Variants in RBM25 observed in about 807,000 individuals in gnomAD.
RBM25 encodes the protein RNA-binding protein 25.
A neutral mutation model predicts 120.7 loss-of-function variants in RBM25; 19 were observed. The observed-to-expected ratio is 0.16, with a 90% CI of 0.11 to 0.23. The LOEUF is 0.23. Among genes scored for constraint, RBM25 ranks in the 10% least tolerant of loss-of-function variants. The pLI, the probability that RBM25 is intolerant of heterozygous loss-of-function variation, is 1.00. For missense variants in RBM25, 605 were observed against 1,041.5 expected, an observed-to-expected ratio of 0.58 and a Z score of 5.77; for synonymous variants, 390 against 326.7, an observed-to-expected ratio of 1.19 and a Z score of -2.09.
rs531232862 is a variant in RBM25, at chr14:73,086,798, G to A, written c.383-1203G>A. On this transcript the variant is annotated intron_variant, in intron 5 of 18. Transcript: ENST00000261973. ...CAGCTTACTGCAACTTCTGCCTCCCGGGTTCAAGCAATTCTCCTTCCTTAG... is the reference window on the plus strand; with the variant it reads ...CAGCTTACTGCAACTTCTGCCTCCCAGGTTCAAGCAATTCTCCTTCCTTAG... Among the ~76,000 whole-genome samples the A allele has an allele frequency of 1.6e-4, 25 of 152,174 alleles. No individual in the cohort carries two copies. In the South Asian group the frequency reaches 5.0e-3, roughly 30 times the overall value.
chr14:73,097,257 G>A (rs1333048321), intron 7 of RBM25, among the ~76,000 whole-genome samples, 157 bp downstream of exon 7: 1 of 126,810 alleles, frequency 7.9e-6, no homozygotes, highest in Admixed American at 1.1e-4. Context: ...CTGGAATGCA[G>A]TGGTGCAATC....
intron 6 of RBM25, among the ~76,000 whole-genome samples, chr14:73,096,459 C>A (rs1053283904): frequency 2.6e-5 from 4 of 151,790 alleles, no homozygotes; most frequent in African/African-American, 9.7e-5. Context: ...ATTTAGCAAT[C>A]TGATGTTTTT....
At position 73,112,169 on chromosome 14, in the gene RBM25, A is replaced by T. The variant is rs781056237; in HGVS notation, c.2310A>T (p.Arg770=). 1.2e-6 allele frequency: 2 copies of T among 1,603,876 alleles called. No individual in the cohort carries two copies. The highest frequency in any genetic ancestry group is 1.7e-6 in the Non-Finnish European group (2 of 1,177,694). The change falls in exon 17 of 19, where the codon CGA becomes CGT. Residue 770 remains arginine (R), a synonymous_variant. Transcript: ENST00000261973. The part of the protein sequence containing the change: ...SIVDSILMER[R]IRPWINKKII... ...TTTTGCAGATACTGATGGAACGTCG[A>T]ATTAGACCATGGATTAATAAGAAAA... is the stretch of plus-strand genomic sequence containing the variant.
intron 2 of RBM25, among the ~76,000 whole-genome samples, chr14:73,072,555 G>C (rs967905918): frequency 6.6e-6 from 1 of 152,176 alleles, no homozygotes; most frequent in African/African-American, 2.4e-5. Context: ...AGAAATTGGG[G>C]CTCAGGATTC....
chr14:73,111,754 C>T lies in RBM25; in HGVS notation c.2244C>T (p.Ala748=). ...GTCTCATTGAGAAAATCCCTACAGC[C>T]AAACCTGAGCTCTTCGCTTATCCCC... ...IKSLIEKIPT[A]KPELFAYPLD... is the part of the protein sequence containing the mutation. Residue 748 remains alanine, a synonymous_variant, in exon 16 of 19, where the codon GCC becomes GCT. Coordinates refer to ENST00000261973, the MANE Select transcript of RBM25 (RefSeq NM_021239.3). The T allele has an allele frequency of 6.2e-7, 1 of 1,612,884 alleles. No individual in the cohort carries two copies. Among genetic ancestry groups the T allele is most frequent in the Non-Finnish European group, 8.5e-7 (1 of 1,179,708 alleles).
intron 16 of RBM25, 62 bp from the exon 17 acceptor site, chr14:73,112,090 C>A: frequency 7.0e-7 from 1 of 1,426,082 alleles, no homozygotes; most frequent in Non-Finnish European, 9.6e-7. Flanking sequence ...AATCATGAAG[C>A]TTTAATAACT....
chr14:73,117,220 T>A (rs1245960323), intron 18 of RBM25, among the ~76,000 whole-genome samples: 2 of 43,562 alleles, frequency 4.6e-5, no homozygotes, highest in African/African-American at 1.7e-4. Context: ...CTTTTTTTTT[T>A]TTTTTTTTTT....
chr14:73,118,876 C>T (rs1020324936), intron 18 of RBM25, among the ~76,000 whole-genome samples: 2 of 152,064 alleles, frequency 1.3e-5, no homozygotes, highest in African/African-American at 2.4e-5. Context: ...TCAAGCGATT[C>T]TCCTACCTCA....
intron 6 of RBM25, among the ~76,000 whole-genome samples, chr14:73,089,379 CAG>C (rs1895758605): frequency 6.6e-6 from 1 of 151,986 alleles, no homozygotes; most frequent in Non-Finnish European, 1.5e-5. Flanking sequence ...TTTTTTGAGA[CAG>C]AGTCTCTCTG....
At chr14:73,067,604 AT>A (rs1050067182) in intron 1 of RBM25, among the ~76,000 whole-genome samples, 695 of 106,262 alleles carry the variant, frequency 6.5e-3, no homozygotes, top group African/African-American at 0.011. Flanking sequence ...TATTGCCTGT[AT>A]TTTTTTTTTT....
At position 73,068,152 on chromosome 14, in the gene RBM25, G is replaced by C. The variant is rs1420637825; in HGVS notation, c.-15-3475G>C. 1.6e-5 allele frequency: 13 copies of C among 826,846 alleles called. No individual in the cohort carries two copies. The East Asian group carries it at 3.3e-4, about 21-fold the overall frequency. 51.2% of individuals were successfully genotyped at this position (826,846 alleles called of 1,614,324 possible). On this transcript the variant is annotated intron_variant, in intron 1 of 18. Transcript: ENST00000261973. ...GAAGGTTGGTCCTAGATGGCTGCTT[G>C]GTCCTGGATGCTTTAGTGGTCTCTT...
chr14:73,077,888 A>G lies in RBM25; in HGVS notation c.324+352A>G, dbSNP rs370878693. Among the ~76,000 whole-genome samples, 13 of 152,324 alleles carry G rather than the reference A, an allele frequency of 8.5e-5. No individual in the cohort carries two copies. In the East Asian group the frequency reaches 2.1e-3, roughly 25 times the overall value. ...TCACACATGAAATTTGGCCGGGTGCAGTGGCTTTTGCCTGTGGTTGTCATC... is the reference window on the plus strand; with the variant it reads ...TCACACATGAAATTTGGCCGGGTGCGGTGGCTTTTGCCTGTGGTTGTCATC... On this transcript the variant is annotated intron_variant, in intron 4 of 18. Coordinates refer to ENST00000261973, the MANE Select transcript of RBM25 (RefSeq NM_021239.3).
In RBM25 at chr14:73,121,189, T is replaced by G. The variant is rs1896535250; in HGVS notation, c.*1384T>G. 1 of 152,486 alleles carries G rather than the reference T, an allele frequency of 6.6e-6. No homozygotes were observed. The highest frequency in any genetic ancestry group is 6.6e-5 in the Admixed American group (1 of 15,260). The allele number at this position is 152,486 out of a possible 1,614,324, so 9.4% of individuals were successfully genotyped here. On this transcript the variant is annotated 3_prime_UTR_variant, in exon 19 of 19. Transcript: ENST00000261973. ...GAAAAAGCATAATGTGAGCTTTGGA[T>G]TACTGGATTTTTTTTTTTTTTAAAC...
At chr14:73,113,519 C>A (rs531795131) in intron 17 of RBM25, among the ~76,000 whole-genome samples, 2 of 151,826 alleles carry the variant, frequency 1.3e-5, no homozygotes, top group South Asian at 2.1e-4. Flanking sequence ...GGTAAAACCC[C>A]GCCTCTACTA....
intron 1 of RBM25, among the ~76,000 whole-genome samples, chr14:73,068,803 T>C (rs1051744739): frequency 6.6e-6 from 1 of 152,158 alleles, no homozygotes; most frequent in Non-Finnish European, 1.5e-5. Flanking sequence ...CTCAATCTCT[T>C]GACCTTGTGA....
chr14:73,092,981 C>A (rs187220102), intron 6 of RBM25, among the ~76,000 whole-genome samples: 1 of 152,160 alleles, frequency 6.6e-6, no homozygotes, highest in Admixed American at 6.5e-5. Context: ...TTTTTTCTTT[C>A]CATTTCTTAT....
chr14:73,091,300 C>T (rs1420339738), intron 6 of RBM25, among the ~76,000 whole-genome samples: 2 of 152,116 alleles, frequency 1.3e-5, no homozygotes, highest in African/African-American at 4.8e-5. Flanking sequence ...GATCTCTGCT[C>T]ACTGCAACCT....
At chr14:73,072,931 G>A (rs573630933) in intron 2 of RBM25, among the ~76,000 whole-genome samples, 1 of 152,234 alleles carries the variant, frequency 6.6e-6, no homozygotes, top group Non-Finnish European at 1.5e-5. Context: ...GTGCGTGTGT[G>A]TGTATGTGTG....
chr14:73,090,419 C>G (rs891943795), intron 6 of RBM25, among the ~76,000 whole-genome samples: 3 of 152,174 alleles, frequency 2.0e-5, no homozygotes, highest in African/African-American at 7.2e-5. Context: ...TCCGTCTTCC[C>G]TCCCCTGCAC....
Sources: allele counts gnomAD v4.1 joint callset (sites outside exome capture counted in the v4.1 genomes callset), GRCh38; gene constraint gnomAD v4.1.1; transcripts MANE v1.5; gene names NCBI Gene and HGNC (gene_info 2026-07-23, HGNC 2026-07-21).